ZC3H13: variants seen among roughly 807,000 people sequenced by gnomAD.
ZC3H13 encodes zinc finger CCCH domain-containing protein 13.
In ZC3H13, 64 loss-of-function variants were observed where a neutral mutation model predicts 204.1. The ratio of observed to expected loss-of-function variants is 0.31; its 90% CI spans 0.26 to 0.39. ZC3H13 has a LOEUF of 0.39. Among genes scored for constraint, ZC3H13 ranks in the 10% least tolerant of loss-of-function variants. The pLI, the probability that ZC3H13 is intolerant of heterozygous loss-of-function variation, is 1.00. For missense variants in ZC3H13, 1,833 were observed against 2,082.7 expected (o/e 0.88, Z 2.33); for synonymous variants, 667 against 693.7 (o/e 0.96, Z 0.60).
chr13:45,959,563 T>G lies in ZC3H13; in HGVS notation c.4759A>C (p.Ser1587Arg). 6.5e-7 allele frequency: 1 copy of G among 1,549,576 alleles called. No homozygotes were observed. Among genetic ancestry groups the G allele is most frequent in the Non-Finnish European group, 8.7e-7 (1 of 1,146,560 alleles). Residue 1587 changes from serine to arginine, a missense_variant, in exon 18 of 19, where the codon AGT becomes CGT. Coordinates refer to ENST00000679008, the MANE Select transcript of ZC3H13 (RefSeq NM_001330564.2). Reference protein sequence around the residue: ...LRKEERASLLSNLGPCCKALC... With the variant: ...LRKEERASLLRNLGPCCKALC... Reference sequence around the variant, plus strand: ...GCCTTACAACATGGGCCAAGATTACTAAGAAGACTTGCTCTTTCTTCTTTT... The same window carrying G: ...GCCTTACAACATGGGCCAAGATTACGAAGAAGACTTGCTCTTTCTTCTTTT...
intron 8 of ZC3H13, among the ~76,000 whole-genome samples, chr13:45,998,009 T>A (rs1419887654): frequency 6.6e-6 from 1 of 152,232 alleles, no homozygotes; most frequent in Non-Finnish European, 1.5e-5. Flanking sequence ...AACTGTTGGA[T>A]GAATGAATTA....
chr13:46,007,058 T>C (rs1429390911), intron 7 of ZC3H13, among the ~76,000 whole-genome samples: 1 of 152,148 alleles, frequency 6.6e-6, no homozygotes, highest in East Asian at 1.9e-4. Context: ...TTAGCATCTG[T>C]ATCAAAATTA....
intron 11 of ZC3H13, 96 bp from the exon 12 acceptor site, chr13:45,975,934 C>G (rs909682938): frequency 3.0e-5 from 44 of 1,460,438 alleles, no homozygotes; most frequent in Non-Finnish European, 2.5e-5. Context: ...GTGATAGGGT[C>G]ACACTGGCAA....
intron 8 of ZC3H13, among the ~76,000 whole-genome samples, chr13:45,998,742 C>T (rs1412464029): frequency 1.3e-5 from 2 of 152,010 alleles, no homozygotes; most frequent in Non-Finnish European, 2.9e-5. Context: ...GAGTTTTAAC[C>T]GTTTTGTGGG....
At chr13:45,992,891 G>A (rs181499224) in intron 8 of ZC3H13, among the ~76,000 whole-genome samples, 111 of 152,258 alleles carry the variant, frequency 7.3e-4, no homozygotes, top group Admixed American at 1.6e-3. Flanking sequence ...AATGGAGGCA[G>A]CTTTCTACCT....
intron 17 of ZC3H13, 50 bp from the exon 18 acceptor site, chr13:45,959,696 G>T: frequency 6.9e-7 from 1 of 1,448,208 alleles, no homozygotes. Context: ...ATAGAAAAGG[G>T]TTACCAACTA....
chr13:45,967,628 T>C lies in ZC3H13; in HGVS notation c.4197A>G (p.Glu1399=). The change falls in exon 15 of 19, where the codon GAA becomes GAG. Residue 1399 remains glutamate (E), a synonymous_variant. Transcript: ENST00000679008. ...RCEAKLEGEH[E]RDLESTSRDS... Reference sequence around the variant, plus strand: ...CTCGGGAAGTGCTTTCTAGATCCCTTTCATGTTCACCTTCCAGTTTTGCTT... The same window carrying C: ...CTCGGGAAGTGCTTTCTAGATCCCTCTCATGTTCACCTTCCAGTTTTGCTT... 2 of 1,614,156 alleles carry C rather than the reference T, an allele frequency of 1.2e-6. No homozygotes were observed. The highest frequency in any genetic ancestry group is 1.7e-6 in the Non-Finnish European group (2 of 1,180,010).
rs1035377638 is a variant in ZC3H13, at chr13:45,956,964, C to G, written c.*163G>C. 1.7e-6 allele frequency: 1 copy of G among 577,094 alleles called. No individual in the cohort carries two copies. The highest frequency in any genetic ancestry group is 4.3e-5 in the Admixed American group (1 of 23,092). The allele number at this position is 577,094 out of a possible 1,614,324, so 35.7% of individuals were successfully genotyped here. On this transcript the variant is annotated 3_prime_UTR_variant, in exon 19 of 19. Transcript: ENST00000679008. The stretch of plus-strand genomic sequence containing the variant: ...AAATTAACGTAAAATCTTAAGTTGG[C>G]CAAAACTAGTGTCTCTAAAGATCAA...
In ZC3H13 at chr13:45,975,437, G is replaced by A. The variant is rs757517140; in HGVS notation, c.2314C>T (p.Arg772Trp). 1.2e-5 allele frequency: 20 copies of A among 1,612,474 alleles called. No individual in the cohort carries two copies. Among genetic ancestry groups the A allele is most frequent in the African/African-American group, 2.7e-5 (2 of 74,552 alleles). Residue 772 changes from arginine (R) to tryptophan (W), a missense_variant, in exon 12 of 19, where the codon CGG becomes TGG. This residue lies in a region of ZC3H13 where 1,574 missense variants were observed against 1,757.2 expected (regional missense o/e 0.90). Transcript: ENST00000679008. ...CTTTCTCTCGCTCTTTCTCGTTCCC[G>A]TTCTCGCTCTCGCTCTCTCTCCCGT... ...RERERERERERERERARERDK... is the reference protein window; with the variant it reads ...REREREREREWERERARERDK...
chr13:46,045,344 A>G lies in ZC3H13; in HGVS notation c.117+47T>C. ...TTATGATACAAATAAGCATTTCAAT[A>G]ATAGAATTCTAAGAGAACCCCTGTG... On this transcript the variant is annotated intron_variant, in intron 2 of 18. Coordinates refer to ENST00000679008, the MANE Select transcript of ZC3H13 (RefSeq NM_001330564.2). 5 of 1,459,096 alleles carry G rather than the reference A, an allele frequency of 3.4e-6. No homozygotes were observed. The East Asian group carries it at 6.8e-5, about 20-fold the overall frequency. The allele number at this position is 1,459,096 out of a possible 1,614,324, so 90.4% of individuals were successfully genotyped here.
At chr13:45,978,473 T>A (rs1566189729) in intron 11 of ZC3H13, among the ~76,000 whole-genome samples, 1 of 152,232 alleles carries the variant, frequency 6.6e-6, no homozygotes, top group East Asian at 1.9e-4. Context: ...TGGAACCTAC[T>A]TCTCTATAAT....
chr13:46,029,183 T>A (rs945601404), intron 4 of ZC3H13, among the ~76,000 whole-genome samples: 2 of 152,134 alleles, frequency 1.3e-5, no homozygotes, highest in Admixed American at 1.3e-4. Context: ...AACTCATGAA[T>A]ACAAACTTGA....
intron 1 of ZC3H13, chr13:46,051,960 C>T (rs2044463176): frequency 7.3e-6 from 1 of 136,152 alleles, no homozygotes; most frequent in Non-Finnish European, 1.5e-5. Context: ...AAGTAGCACT[C>T]AATTCCCAGG....
chr13:45,962,854 T>G, intron 17 of ZC3H13: 1 of 985,332 alleles, frequency 1.0e-6, no homozygotes, highest in Non-Finnish European at 1.2e-6. Context: ...CCCTCCCCAT[T>G]AATAAAGTAT....
chr13:46,013,545 A>G (rs2041716700), intron 5 of ZC3H13, among the ~76,000 whole-genome samples: 1 of 152,218 alleles, frequency 6.6e-6, no homozygotes, highest in African/African-American at 2.4e-5. Flanking sequence ...AAAAACTCAG[A>G]TATTTTCCTA....
chr13:45,998,988 T>C (rs778644405), intron 8 of ZC3H13, among the ~76,000 whole-genome samples: 4 of 152,186 alleles, frequency 2.6e-5, no homozygotes, highest in Admixed American at 1.3e-4. Flanking sequence ...AGCCTATAAC[T>C]ACAATGTTTT....
At chr13:45,962,315 T>G (rs1951748948) in intron 17 of ZC3H13, 1 of 985,428 alleles carries the variant, frequency 1.0e-6, no homozygotes. Context: ...TTTCACTGTT[T>G]AGGTTAAGTC....
intron 4 of ZC3H13, among the ~76,000 whole-genome samples, chr13:46,021,759 T>C (rs2042232853): frequency 6.6e-6 from 1 of 151,924 alleles, no homozygotes; most frequent in Admixed American, 6.6e-5. Flanking sequence ...AATGGGCCTC[T>C]ACTTGAACAG....
At chr13:46,044,876 T>C in intron 3 of ZC3H13, 79 bp downstream of exon 3, 3 of 986,778 alleles carry the variant, frequency 3.0e-6, no homozygotes, top group African/African-American at 1.7e-5. Flanking sequence ...TATATGGTTG[T>C]ATTTCAGATT....
Sources: allele counts gnomAD v4.1 joint callset (sites outside exome capture counted in the v4.1 genomes callset), GRCh38; gene constraint gnomAD v4.1.1; regional missense constraint gnomAD v4.1.1; transcripts MANE v1.5; gene names NCBI Gene and HGNC (gene_info 2026-07-23, HGNC 2026-07-21).